TSPAN5: variants seen among roughly 807,000 people sequenced by gnomAD.
TSPAN5 encodes tetraspanin-5.
A neutral mutation model predicts 37.1 loss-of-function variants in TSPAN5; 10 were observed. The ratio of observed to expected loss-of-function variants is 0.27; its 90% CI spans 0.17 to 0.46. The LOEUF (loss-of-function observed/expected upper bound fraction) is 0.46, where lower values mean the gene tolerates loss of function less well. Among genes scored for constraint, TSPAN5 ranks in the 20% least tolerant of loss-of-function variants. TSPAN5 has a pLI of 1.00. For missense variants in TSPAN5, 195 were observed against 326.6 expected, an observed-to-expected ratio of 0.60 and a Z score of 3.11; for synonymous variants, 110 against 118.9, an observed-to-expected ratio of 0.93 and a Z score of 0.48.
intron 1 of TSPAN5, among the ~76,000 whole-genome samples, chr4:98,613,959 C>A (rs752679827): frequency 2.0e-5 from 3 of 152,032 alleles, no homozygotes; most frequent in African/African-American, 4.8e-5. Context: ...TTTATCTAGC[C>A]GGCTAAATGG....
At chr4:98,504,551 C>T (rs1753431360) in intron 2 of TSPAN5, among the ~76,000 whole-genome samples, 2 of 152,188 alleles carry the variant, frequency 1.3e-5, no homozygotes, top group Admixed American at 1.3e-4. Flanking sequence ...CCTTTGTGCT[C>T]TTGCCCCATA....
intron 1 of TSPAN5, among the ~76,000 whole-genome samples, chr4:98,532,254 A>G (rs575385108): frequency 1.8e-4 from 27 of 152,310 alleles, no homozygotes; most frequent in African/African-American, 5.1e-4. Flanking sequence ...TGATGGGGAT[A>G]GCATTGAATC....
At chr4:98,488,700 C>A (rs1410648608) in intron 2 of TSPAN5, among the ~76,000 whole-genome samples, 1 of 152,092 alleles carries the variant, frequency 6.6e-6, no homozygotes, top group African/African-American at 2.4e-5. Flanking sequence ...ATACTCAAAC[C>A]AAATTCTCCA....
At chr4:98,537,845 C>A (rs1449994741) in intron 1 of TSPAN5, among the ~76,000 whole-genome samples, 2 of 152,258 alleles carry the variant, frequency 1.3e-5, no homozygotes, top group African/African-American at 4.8e-5. Flanking sequence ...GCAAGGTCAT[C>A]CTGGTTTTGC....
intron 1 of TSPAN5, among the ~76,000 whole-genome samples, chr4:98,591,796 T>C (rs954875109): frequency 6.6e-6 from 1 of 151,768 alleles, no homozygotes; most frequent in Non-Finnish European, 1.5e-5. Context: ...CCATTAGTCA[T>C]CATTTATCTA....
At chr4:98,560,713 T>C (rs1349192772) in intron 1 of TSPAN5, among the ~76,000 whole-genome samples, 1 of 152,226 alleles carries the variant, frequency 6.6e-6, no homozygotes, top group Non-Finnish European at 1.5e-5. Context: ...GACACTTACA[T>C]TCCTGTGCAG....
chr4:98,636,893 GT>G (rs1756867037), intron 1 of TSPAN5, among the ~76,000 whole-genome samples: 1 of 152,140 alleles, frequency 6.6e-6, no homozygotes, highest in African/African-American at 2.4e-5. Flanking sequence ...GCAACTGCAG[GT>G]CTTTTGGTCT....
intron 1 of TSPAN5, among the ~76,000 whole-genome samples, chr4:98,613,186 TTTTG>T (rs1228303046): frequency 6.6e-6 from 1 of 151,948 alleles, no homozygotes; most frequent in Non-Finnish European, 1.5e-5. Context: ...CACAATGCCC[TTTTG>T]AGAGAAGTAC....
At chr4:98,606,378 A>C (rs1026071917) in intron 1 of TSPAN5, among the ~76,000 whole-genome samples, 1 of 152,214 alleles carries the variant, frequency 6.6e-6, no homozygotes, top group Non-Finnish European at 1.5e-5. Context: ...AAGACTTCCA[A>C]AGCATTCTTA....
At chr4:98,588,707 G>T (rs943901109) in intron 1 of TSPAN5, among the ~76,000 whole-genome samples, 1 of 152,128 alleles carries the variant, frequency 6.6e-6, no homozygotes, top group South Asian at 2.1e-4. Context: ...TGGCCCTGAG[G>T]CATATTTATC....
intron 1 of TSPAN5, among the ~76,000 whole-genome samples, chr4:98,638,181 C>A (rs1341976894): frequency 6.6e-6 from 1 of 152,220 alleles, no homozygotes; most frequent in Non-Finnish European, 1.5e-5. Context: ...GCCACCATAA[C>A]ACTGGACCCT....
chr4:98,579,329 C>A (rs572236427), intron 1 of TSPAN5, among the ~76,000 whole-genome samples: 1 of 152,196 alleles, frequency 6.6e-6, no homozygotes, highest in Non-Finnish European at 1.5e-5. Context: ...CAAACCTATG[C>A]CCAAGTGCAG....
chr4:98,654,628 G>A (rs1027447514), intron 1 of TSPAN5, among the ~76,000 whole-genome samples: 18 of 152,120 alleles, frequency 1.2e-4, no homozygotes, highest in African/African-American at 4.3e-4. Context: ...AATGAGAAAG[G>A]AATCTGTACA....
At chr4:98,504,210 G>A (rs1281402372) in intron 2 of TSPAN5, among the ~76,000 whole-genome samples, 2 of 152,094 alleles carry the variant, frequency 1.3e-5, no homozygotes, top group Non-Finnish European at 2.9e-5. Context: ...CCAGTTTGGG[G>A]ATTTACCCTC....
At position 98,513,881 on chromosome 4, in the gene TSPAN5, G is replaced by A. The variant is rs138134155; in HGVS notation, c.82-6153C>T. ...AAGCAAATAGATAGATAGATAGATA[G>A]ATAGATAGATAGATAGATAGATAGA... On this transcript the variant is annotated intron_variant, in intron 1 of 7. Coordinates refer to ENST00000305798, the MANE Select transcript of TSPAN5 (RefSeq NM_005723.4). 8.6e-3 allele frequency among the ~76,000 whole-genome samples: 1,311 copies of A among 151,920 alleles called. 18 individuals carry two copies. Among genetic ancestry groups the A allele is most frequent in the African/African-American group, 0.03 (1,245 of 41,368 alleles).
chr4:98,536,373 A>G (rs1754233116), intron 1 of TSPAN5, among the ~76,000 whole-genome samples: 1 of 152,164 alleles, frequency 6.6e-6, no homozygotes, highest in Non-Finnish European at 1.5e-5. Context: ...TTTCCTCAGG[A>G]AGCTTTGTCC....
chr4:98,573,006 G>T (rs1412908413), intron 1 of TSPAN5, among the ~76,000 whole-genome samples: 1 of 152,158 alleles, frequency 6.6e-6, no homozygotes, highest in Non-Finnish European at 1.5e-5. Flanking sequence ...TTCATCAAGG[G>T]CTGAACAAAA....
intron 1 of TSPAN5, chr4:98,657,748 G>A (rs1042329664): frequency 2.4e-5 from 6 of 248,758 alleles, no homozygotes; most frequent in Non-Finnish European, 1.6e-5. Context: ...CCTCAGGGTC[G>A]GCCGTGCCCG....
At chr4:98,577,343 A>G (rs1755262068) in intron 1 of TSPAN5, among the ~76,000 whole-genome samples, 1 of 152,042 alleles carries the variant, frequency 6.6e-6, no homozygotes, top group Non-Finnish European at 1.5e-5. Context: ...CCACCCTTAA[A>G]ATTTGCCAAG....
Sources: allele counts gnomAD v4.1 joint callset (sites outside exome capture counted in the v4.1 genomes callset), GRCh38; gene constraint gnomAD v4.1.1; transcripts MANE v1.5; gene names NCBI Gene and HGNC (gene_info 2026-07-23, HGNC 2026-07-21).